SPATA6: variants seen among roughly 807,000 people sequenced by gnomAD.
SPATA6 encodes spermatogenesis associated 6, also known as spermatogenesis-associated protein 6.
SPATA6 carries 56 observed loss-of-function variants against 65.3 expected under a neutral mutation model. That is an observed-to-expected ratio of 0.86 (90% CI 0.69 to 1.07). The LOEUF (loss-of-function observed/expected upper bound fraction) is 1.07. SPATA6 is among the 50% of genes least tolerant of loss of function. The probability of loss-of-function intolerance (pLI) is 0.00; values close to 1 mark genes in which losing one functional copy is unlikely to be tolerated. For synonymous variants in SPATA6, 199 were observed against 213.2 expected (o/e 0.93, Z 0.58); for missense variants, 590 against 594.8 (o/e 0.99, Z 0.08).
intron 1 of SPATA6, among the ~76,000 whole-genome samples, chr1:48,464,084 C>T (rs890651348): frequency 2.0e-5 from 3 of 151,740 alleles, no homozygotes; most frequent in African/African-American, 7.3e-5. Context: ...TAAATGAAAA[C>T]CCTACAGCCA....
intron 3 of SPATA6, among the ~76,000 whole-genome samples, chr1:48,427,275 G>A (rs570815691): frequency 6.6e-6 from 1 of 151,714 alleles, no homozygotes; most frequent in African/African-American, 2.4e-5. Flanking sequence ...AACAGGAGAG[G>A]AAATAATACG....
At chr1:48,366,891 G>A (rs1011587298) in intron 9 of SPATA6, among the ~76,000 whole-genome samples, 35 of 151,992 alleles carry the variant, frequency 2.3e-4, no homozygotes, top group Non-Finnish European at 1.6e-4. Flanking sequence ...TGATGTTAGG[G>A]TGTCAATTTT....
At chr1:48,316,503 C>T (rs1191575662) in intron 11 of SPATA6, among the ~76,000 whole-genome samples, 1 of 152,096 alleles carries the variant, frequency 6.6e-6, no homozygotes, top group Non-Finnish European at 1.5e-5. Context: ...AAACTGGATC[C>T]CTTCCTACAC....
chr1:48,329,588 G>A (rs1645856591), intron 11 of SPATA6, among the ~76,000 whole-genome samples: 1 of 152,192 alleles, frequency 6.6e-6, no homozygotes, highest in Non-Finnish European at 1.5e-5. Flanking sequence ...TTTAAAAGTG[G>A]GCGGGGCCAA....
chr1:48,328,419 T>C (rs1570144397), intron 11 of SPATA6, among the ~76,000 whole-genome samples: 1 of 152,138 alleles, frequency 6.6e-6, no homozygotes, highest in South Asian at 2.1e-4. Flanking sequence ...TGTAATACCA[T>C]CCAGCCATAT....
chr1:48,368,939 T>C (rs1368070792), intron 9 of SPATA6, among the ~76,000 whole-genome samples: 1 of 152,172 alleles, frequency 6.6e-6, no homozygotes, highest in Non-Finnish European at 1.5e-5. Context: ...CTACTTTTGG[T>C]CTTTGATGAT....
At chr1:48,443,439 G>A (rs1194235402) in intron 3 of SPATA6, among the ~76,000 whole-genome samples, 2 of 152,142 alleles carry the variant, frequency 1.3e-5, no homozygotes, top group Admixed American at 6.5e-5. Flanking sequence ...AGAAAAGCAG[G>A]TTTATCTACT....
intron 10 of SPATA6, among the ~76,000 whole-genome samples, chr1:48,355,989 A>G (rs1332509688): frequency 6.6e-6 from 1 of 152,176 alleles, no homozygotes; most frequent in Non-Finnish European, 1.5e-5. Context: ...CAGTAATTCT[A>G]TGTACAATGC....
chr1:48,320,191 T>C (rs549888756), intron 11 of SPATA6, among the ~76,000 whole-genome samples: 1 of 152,272 alleles, frequency 6.6e-6, no homozygotes, highest in Non-Finnish European at 1.5e-5. Flanking sequence ...GGGTAGAAAG[T>C]TTATTCAAAG....
chr1:48,434,181 T>G (rs1654658946), intron 3 of SPATA6, among the ~76,000 whole-genome samples: 1 of 150,670 alleles, frequency 6.6e-6, no homozygotes, highest in African/African-American at 2.4e-5. Context: ...AAGCATTTTA[T>G]GATATTTTGT....
rs189399626 is a variant in SPATA6, at chr1:48,346,953, A to C, written c.1194+8717T>G. On this transcript the variant is annotated intron_variant, in intron 11 of 12. Coordinates refer to ENST00000371847, the MANE Select transcript of SPATA6 (RefSeq NM_019073.4). ...AAACTACTATTGAGATTCTTCACAG[A>C]AATAGAAAAAATTTTAAAATTCATA... Among the ~76,000 whole-genome samples, 92 of 152,224 alleles carry C rather than the reference A, an allele frequency of 6.0e-4. No individual in the cohort carries two copies. In the East Asian group the frequency reaches 0.012, roughly 20 times the overall value.
chr1:48,440,861 C>T (rs188664926), intron 3 of SPATA6, among the ~76,000 whole-genome samples: 115 of 152,254 alleles, frequency 7.6e-4, no homozygotes, highest in African/African-American at 2.5e-3. Flanking sequence ...ACCTGGCAAC[C>T]TTGGTGTTCT....
At chr1:48,348,798 A>C (rs1646439487) in intron 11 of SPATA6, among the ~76,000 whole-genome samples, 1 of 152,026 alleles carries the variant, frequency 6.6e-6, no homozygotes, top group Non-Finnish European at 1.5e-5. Context: ...TTTAAAATAA[A>C]CATGAATTAA....
intron 11 of SPATA6, chr1:48,344,277 A>G (rs566265296): frequency 6.6e-6 from 1 of 152,304 alleles, no homozygotes; most frequent in South Asian, 2.1e-4. Flanking sequence ...GCCCCTGCAC[A>G]AGGATGACAC....
In SPATA6 at chr1:48,461,649, A is replaced by T. The variant is rs894677366; in HGVS notation, c.52-8518T>A. ...CAAATCAAAACCACAATGAGATACC[A>T]TCTCACACCAGTTAGAATGGCAATC... On this transcript the variant is annotated intron_variant, in intron 1 of 12. Coordinates refer to ENST00000371847, the MANE Select transcript of SPATA6 (RefSeq NM_019073.4). Among the ~76,000 whole-genome samples, 3 of 152,194 alleles carry T rather than the reference A, an allele frequency of 2.0e-5. 1 individual carries two copies. The highest frequency in any genetic ancestry group is 2.0e-4 in the Admixed American group (3 of 15,280).
At chr1:48,274,747 G>A in the SPATA6 span, among the ~76,000 whole-genome samples, 9 of 152,080 alleles carry the variant, frequency 5.9e-5, no homozygotes, top group African/African-American at 2.2e-4. Flanking sequence ...CTGTAGCCTT[G>A]TAGTATAATT....
the SPATA6 span, chr1:48,262,391 G>A: frequency 6.6e-6 from 1 of 152,050 alleles, no homozygotes; most frequent in Non-Finnish European, 1.5e-5. Context: ...AAGAGTTCTG[G>A]TACAAACAAA....
chr1:48,289,328 C>T, the SPATA6 span, among the ~76,000 whole-genome samples: 1 of 151,784 alleles, frequency 6.6e-6, no homozygotes, highest in Non-Finnish European at 1.5e-5. Context: ...GACATCTGCA[C>T]CAAAACCCCA....
At chr1:48,409,451 G>A (rs1652010438) in intron 5 of SPATA6, among the ~76,000 whole-genome samples, 1 of 152,212 alleles carries the variant, frequency 6.6e-6, no homozygotes, top group South Asian at 2.1e-4. Context: ...CATGGTGCAA[G>A]CTGTCAGTAG....
Sources: allele counts gnomAD v4.1 joint callset (sites outside exome capture counted in the v4.1 genomes callset), GRCh38; gene constraint gnomAD v4.1.1; transcripts MANE v1.5; gene names NCBI Gene and HGNC (gene_info 2026-07-23, HGNC 2026-07-21).